Variants in PLEKHA5 observed in about 807,000 individuals in gnomAD.
PLEKHA5 encodes pleckstrin homology domain-containing family A member 5.
A neutral mutation model predicts 181.9 loss-of-function variants in PLEKHA5; 55 were observed. That is an observed-to-expected ratio of 0.30 (90% CI 0.24 to 0.38). PLEKHA5 has a LOEUF of 0.38. PLEKHA5 is among the 10% of genes least tolerant of loss of function. PLEKHA5 has a pLI of 1.00. For synonymous variants in PLEKHA5, 535 were observed against 529.4 expected (o/e 1.01, Z -0.15); for missense variants, 1,432 against 1,549.5 (o/e 0.92, Z 1.27).
chr12:19,135,058 T>C (rs1292279650), intron 3 of PLEKHA5, among the ~76,000 whole-genome samples: 1 of 152,252 alleles, frequency 6.6e-6, no homozygotes, highest in South Asian at 2.1e-4. Context: ...ATGTCAGCCC[T>C]TTGACTATTC....
chr12:19,342,583 G>A (rs2094021693), intron 21 of PLEKHA5, among the ~76,000 whole-genome samples: 1 of 152,076 alleles, frequency 6.6e-6, no homozygotes, highest in East Asian at 1.9e-4. Context: ...TTGAACCTGG[G>A]AGGTAGAGTT....
intron 14 of PLEKHA5, among the ~76,000 whole-genome samples, chr12:19,291,396 G>T (rs910984890): frequency 1.5e-4 from 23 of 152,032 alleles, no homozygotes; most frequent in Non-Finnish European, 1.2e-4. Flanking sequence ...CTATTTTAAG[G>T]AATTTTTCTG....
In PLEKHA5 at chr12:19,261,040, C is replaced by A; in HGVS notation, c.610+19C>A. On this transcript the variant is annotated intron_variant, in intron 7 of 31. Coordinates refer to ENST00000429027, the MANE Select transcript of PLEKHA5 (RefSeq NM_001256470.2). ...TATAGAGGTAAGTTTACCCTACTGT[C>A]TTAGTGTATTATTTTGTAATTGATA... is the stretch of plus-strand genomic sequence containing the variant. 1 of 1,386,938 alleles carries A rather than the reference C, an allele frequency of 7.2e-7. No individual in the cohort carries two copies. Among genetic ancestry groups the A allele is most frequent in the Non-Finnish European group, 1.0e-6 (1 of 984,930 alleles). 85.9% of individuals were successfully genotyped at this position (1,386,938 alleles called of 1,614,324 possible). A position where few individuals can be genotyped will look rare whatever the true frequency, so the allele number is the denominator to read the frequency against.
chr12:19,273,370 T>G (rs2152729052), intron 10 of PLEKHA5, among the ~76,000 whole-genome samples: 1 of 152,146 alleles, frequency 6.6e-6, no homozygotes, highest in South Asian at 2.1e-4. Context: ...TTTTTTTTAA[T>G]TTTTTTTCCT....
intron 3 of PLEKHA5, among the ~76,000 whole-genome samples, chr12:19,214,892 A>T (rs1286828503): frequency 6.6e-6 from 1 of 151,932 alleles, no homozygotes; most frequent in Non-Finnish European, 1.5e-5. Flanking sequence ...AAAAAAAAAA[A>T]ATTGGCTGGG....
intron 26 of PLEKHA5, among the ~76,000 whole-genome samples, chr12:19,355,072 T>A (rs2094850868): frequency 6.6e-6 from 1 of 152,176 alleles, no homozygotes; most frequent in African/African-American, 2.4e-5. Flanking sequence ...AGTCCTCTGG[T>A]TACTCTGAGA....
intron 3 of PLEKHA5, among the ~76,000 whole-genome samples, chr12:19,158,844 TG>T (rs2042353310): frequency 1.3e-5 from 2 of 152,188 alleles, no homozygotes; most frequent in Admixed American, 6.5e-5. Context: ...AAATTGGGTG[TG>T]ATTTTAACTT....
chr12:19,353,514 C>A (rs920069840), intron 25 of PLEKHA5, among the ~76,000 whole-genome samples: 5 of 150,802 alleles, frequency 3.3e-5, no homozygotes, highest in African/African-American at 1.2e-4. Context: ...CACGCTGGTG[C>A]AATGGTGCGA....
chr12:19,169,342 G>T (rs186165756), intron 3 of PLEKHA5, among the ~76,000 whole-genome samples: 2 of 151,668 alleles, frequency 1.3e-5, no homozygotes, highest in African/African-American at 4.8e-5. Flanking sequence ...GGTGGCTTCC[G>T]CTGACAGTGA....
chr12:19,277,089 A>G (rs2074759369), intron 11 of PLEKHA5, among the ~76,000 whole-genome samples: 2 of 152,214 alleles, frequency 1.3e-5, no homozygotes, highest in Non-Finnish European at 2.9e-5. Flanking sequence ...AAGCTTATAT[A>G]TTACTAGCAG....
chr12:19,354,389 G>A (rs375430925), intron 26 of PLEKHA5, among the ~76,000 whole-genome samples: 2 of 147,024 alleles, frequency 1.4e-5, no homozygotes, highest in Admixed American at 6.8e-5. Context: ...TCCTGACCTC[G>A]TGATCTGCCC....
At chr12:19,307,553 AAAAAG>A (rs1304746218) in intron 15 of PLEKHA5, 6 of 323,496 alleles carry the variant, frequency 1.9e-5, no homozygotes, top group Non-Finnish European at 3.7e-5. Flanking sequence ...CAGAGAAAGA[AAAAAG>A]AAGGCATTCA....
At chr12:19,156,695 GA>G (rs771373896) in intron 3 of PLEKHA5, among the ~76,000 whole-genome samples, 1 of 151,678 alleles carries the variant, frequency 6.6e-6, no homozygotes, top group Non-Finnish European at 1.5e-5. Context: ...TACAGAACAT[GA>G]AAAAATGCAT....
intron 13 of PLEKHA5, among the ~76,000 whole-genome samples, chr12:19,289,767 ACT>A (rs2078000204): frequency 1.3e-5 from 2 of 151,854 alleles, no homozygotes; most frequent in African/African-American, 2.4e-5. Context: ...GCCCATGGAA[ACT>A]CTCTTTTTCT....
chr12:19,251,582 C>G (rs1408245603), intron 3 of PLEKHA5, among the ~76,000 whole-genome samples: 4 of 151,542 alleles, frequency 2.6e-5, no homozygotes. Context: ...TTTTTTGCAT[C>G]CATCTAGAGT....
At chr12:19,319,498 C>T (rs1267676247) in intron 16 of PLEKHA5, 1 of 152,374 alleles carries the variant, frequency 6.6e-6, no homozygotes, top group Non-Finnish European at 1.5e-5. Context: ...ATAGAATTGT[C>T]ATTTATACAT....
intron 3 of PLEKHA5, among the ~76,000 whole-genome samples, chr12:19,138,587 A>AAC (rs1491025461): frequency 1.6e-3 from 236 of 151,582 alleles, no homozygotes; most frequent in African/African-American, 5.3e-3. Flanking sequence ...AAAAAAAAAA[A>AAC]AGAAGATGCT....
At chr12:19,200,524 A>G (rs1012602993) in intron 3 of PLEKHA5, 2 of 1,341,488 alleles carry the variant, frequency 1.5e-6, no homozygotes, top group African/African-American at 2.9e-5. Flanking sequence ...TTGATTACTC[A>G]CCTCAGAATG....
chr12:19,334,829 AATATATATATAT>A (rs56763101), intron 20 of PLEKHA5, among the ~76,000 whole-genome samples: 5 of 18,602 alleles, frequency 2.7e-4, no homozygotes, highest in African/African-American at 6.1e-4. Context: ...AAAAAAAAAA[AATATATATATAT>A]ATATATATAT....
Sources: gnomAD v4.1 joint callset for allele counts (sites outside exome capture counted in the v4.1 genomes callset) on GRCh38, gnomAD v4.1.1 for gene constraint, MANE v1.5 for transcripts, NCBI Gene and HGNC (gene_info 2026-07-23, HGNC 2026-07-21) for gene names.